Variants in HNF4G observed in about 807,000 individuals in gnomAD.
The protein encoded by HNF4G is hepatocyte nuclear factor 4 gamma, also known as hepatocyte nuclear factor 4-gamma.
A neutral mutation model predicts 50.9 loss-of-function variants in HNF4G; 21 were observed. The ratio of observed to expected loss-of-function variants is 0.41; its 90% confidence interval spans 0.29 to 0.59. The LOEUF is 0.59. Ranked by LOEUF, HNF4G falls within the 20% of genes least tolerant of loss-of-function variation. HNF4G has a pLI of 0.26. For missense variants in HNF4G, 527 were observed against 559.4 expected, an observed-to-expected ratio of 0.94 and a Z score of 0.58; for synonymous variants, 198 against 185.6, an observed-to-expected ratio of 1.07 and a Z score of -0.54.
chr8:75,486,709 T>G (rs939982592), intron 1 of HNF4G, among the ~76,000 whole-genome samples: 2 of 152,106 alleles, frequency 1.3e-5, no homozygotes, highest in Non-Finnish European at 2.9e-5. Context: ...AAAAGTGAAT[T>G]TAAAAACTGA....
intron 2 of HNF4G, among the ~76,000 whole-genome samples, chr8:75,510,763 C>A (rs1347361195): frequency 6.6e-6 from 1 of 152,086 alleles, no homozygotes; most frequent in Non-Finnish European, 1.5e-5. Flanking sequence ...AATTGCCTAA[C>A]AATGCATTTC....
chr8:75,517,376 T>C (rs1805918850), intron 2 of HNF4G, among the ~76,000 whole-genome samples: 3 of 152,074 alleles, frequency 2.0e-5, no homozygotes, highest in Admixed American at 2.0e-4. Flanking sequence ...AAGTCCACAG[T>C]CCAAAGTCTC....
chr8:75,432,008 G>A (rs1392031655), intron 1 of HNF4G, among the ~76,000 whole-genome samples: 1 of 152,078 alleles, frequency 6.6e-6, no homozygotes, highest in Admixed American at 6.5e-5. Flanking sequence ...ACTTACAACA[G>A]TGGCTGAAGT....
chr8:75,485,115 A>C (rs1812470317), intron 1 of HNF4G, among the ~76,000 whole-genome samples: 1 of 152,232 alleles, frequency 6.6e-6, no homozygotes, highest in Non-Finnish European at 1.5e-5. Context: ...TTTGTTAATA[A>C]ATTTATAAAC....
intron 1 of HNF4G, among the ~76,000 whole-genome samples, chr8:75,469,840 T>G (rs7005273): frequency 0.16 from 24,489 of 151,986 alleles, 2,287 homozygotes; most frequent in African/African-American, 0.25. Flanking sequence ...GTCCCCTCAG[T>G]CAATTTTTAT....
chr8:75,512,727 C>A (rs2977913), intron 2 of HNF4G, among the ~76,000 whole-genome samples: 1 of 151,950 alleles, frequency 6.6e-6, no homozygotes, highest in South Asian at 2.1e-4. Context: ...ACCTCCCGAA[C>A]TGCTGGGATT....
At chr8:75,529,028 T>C (rs1455998325) in intron 2 of HNF4G, among the ~76,000 whole-genome samples, 2 of 152,048 alleles carry the variant, frequency 1.3e-5, no homozygotes, top group African/African-American at 2.4e-5. Context: ...GGCTAACGCC[T>C]GTAATCCCAG....
At chr8:75,440,285 C>A (rs1811246842) in intron 1 of HNF4G, among the ~76,000 whole-genome samples, 1 of 152,136 alleles carries the variant, frequency 6.6e-6, no homozygotes, top group Non-Finnish European at 1.5e-5. Context: ...TATTTTTCTT[C>A]ATTTTCTGTA....
At chr8:75,494,272 A>C (rs1812705334) in intron 2 of HNF4G, among the ~76,000 whole-genome samples, 1 of 150,826 alleles carries the variant, frequency 6.6e-6, no homozygotes, top group Non-Finnish European at 1.5e-5. Context: ...ACACAGAGTA[A>C]GGAAAAAAGC....
At position 75,559,400 on chromosome 8, in the gene HNF4G, A is replaced by C. The variant is rs538837074; in HGVS notation, c.1123+363A>C. 4.5e-3 allele frequency among the ~76,000 whole-genome samples: 680 copies of C among 152,132 alleles called. 9 individuals carry two copies. Among genetic ancestry groups the C allele is most frequent in the Non-Finnish European group, 5.0e-3 (343 of 68,000 alleles). On this transcript the variant is annotated intron_variant, in intron 8 of 9. Coordinates refer to ENST00000396423, the MANE Select transcript of HNF4G (RefSeq NM_004133.5). ...GTGATTCTCCTGCTTCAGCCTCCGGAGTAGCTGGGACTACAGGCACACACC... is the reference window on the plus strand; with the variant it reads ...GTGATTCTCCTGCTTCAGCCTCCGGCGTAGCTGGGACTACAGGCACACACC...
At chr8:75,512,710 C>A (rs937993794) in intron 2 of HNF4G, among the ~76,000 whole-genome samples, 1 of 151,976 alleles carries the variant, frequency 6.6e-6, no homozygotes, top group East Asian at 1.9e-4. Context: ...GAGATCCGCC[C>A]GCCTCCACCT....
intron 1 of HNF4G, among the ~76,000 whole-genome samples, chr8:75,415,294 G>C (rs1189422792): frequency 2.0e-5 from 3 of 151,530 alleles, no homozygotes; most frequent in Non-Finnish European, 4.4e-5. Flanking sequence ...TCAAGATATG[G>C]GTTTTGAAAA....
In HNF4G at chr8:75,531,227, T is replaced by C. The variant is rs568566948; in HGVS notation, c.-23-12584T>C. Among the ~76,000 whole-genome samples the C allele has an allele frequency of 2.6e-5, 4 of 152,230 alleles. No individual in the cohort carries two copies. The East Asian group carries it at 7.7e-4, about 29-fold the overall frequency. ...ATAAAGAAAAAACAAGCTATAAAAATGTAATAGAAGAATTCTCTCTTGATG... is the reference window on the plus strand; with the variant it reads ...ATAAAGAAAAAACAAGCTATAAAAACGTAATAGAAGAATTCTCTCTTGATG... On this transcript the variant is annotated intron_variant, in intron 2 of 10. Transcript: ENST00000354370.
chr8:75,557,627 CAAACAAACA>C (rs926720344), intron 6 of HNF4G, among the ~76,000 whole-genome samples: 2 of 152,030 alleles, frequency 1.3e-5, no homozygotes, highest in African/African-American at 4.8e-5. Context: ...AAAACACAAA[CAAACAAACA>C]AAAAATCACA....
chr8:75,560,559 G>A, intron 9 of HNF4G, 93 bp downstream of exon 9: 2 of 1,272,332 alleles, frequency 1.6e-6, no homozygotes, highest in Non-Finnish European at 2.2e-6. Flanking sequence ...AACCAGAAAT[G>A]GCAAAAACTT....
At chr8:75,417,125 A>G (rs200607182) in intron 1 of HNF4G, among the ~76,000 whole-genome samples, 1,841 of 58,332 alleles carry the variant, frequency 0.032, 63 homozygotes, top group East Asian at 0.18. Flanking sequence ...GTGTGCGCAC[A>G]CACACACACA....
At chr8:75,431,652 G>A (rs2130519666) in intron 1 of HNF4G, among the ~76,000 whole-genome samples, 1 of 152,246 alleles carries the variant, frequency 6.6e-6, no homozygotes, top group Admixed American at 6.5e-5. Context: ...CTAAGGCCCG[G>A]CACAGTGGCT....
chr8:75,530,699 A>G (rs1806304468), intron 2 of HNF4G, among the ~76,000 whole-genome samples: 1 of 152,232 alleles, frequency 6.6e-6, no homozygotes, highest in East Asian at 1.9e-4. Context: ...GGTGCACTAG[A>G]ATATGTATCT....
intron 1 of HNF4G, among the ~76,000 whole-genome samples, chr8:75,439,804 A>G (rs1268491308): frequency 6.6e-6 from 1 of 152,044 alleles, no homozygotes; most frequent in African/African-American, 2.4e-5. Context: ...TGTTATAAAC[A>G]TAATATAATA....
Sources: gnomAD v4.1 joint callset for allele counts (sites outside exome capture counted in the v4.1 genomes callset) on GRCh38, gnomAD v4.1.1 for gene constraint, MANE v1.5 for transcripts, NCBI Gene and HGNC (gene_info 2026-07-23, HGNC 2026-07-21) for gene names.